SGCZ: variants seen among roughly 807,000 people sequenced by gnomAD.
SGCZ encodes sarcoglycan zeta.
In SGCZ, 40 loss-of-function variants were observed where a neutral mutation model predicts 41.3. The observed-to-expected ratio is 0.97, with a 90% confidence interval of 0.75 to 1.26. SGCZ has a LOEUF of 1.26. Among genes scored for constraint, SGCZ ranks in the 50% most tolerant of loss-of-function variants. SGCZ has a pLI of 0.00. For missense variants in SGCZ, 552 were observed against 369.8 expected (o/e 1.49, Z -4.04); for synonymous variants, 206 against 137.5 (o/e 1.50, Z -3.49).
At chr8:14,296,474 A>C (rs1357058473) in intron 3 of SGCZ, among the ~76,000 whole-genome samples, 3 of 152,224 alleles carry the variant, frequency 2.0e-5, no homozygotes, top group East Asian at 3.8e-4. Context: ...ATCATATTTT[A>C]CATTTGTTAG....
chr8:14,452,663 G>A (rs1800628742), intron 2 of SGCZ, among the ~76,000 whole-genome samples: 1 of 152,192 alleles, frequency 6.6e-6, no homozygotes, highest in Admixed American at 6.5e-5. Context: ...TACAACTCTG[G>A]TAAAGGGAGA....
chr8:14,596,629 G>A lies in SGCZ; in HGVS notation c.40-41703C>T, dbSNP rs531980984. On this transcript the variant is annotated intron_variant, in intron 1 of 7. Coordinates refer to ENST00000382080, the MANE Select transcript of SGCZ (RefSeq NM_139167.4). ...CAATTTCAAAAACACTGAATGATTA[G>A]TTTAGAATATCGTCCATGTGGGAGA... Among the ~76,000 whole-genome samples, 29 of 152,158 alleles carry A rather than the reference G, an allele frequency of 1.9e-4. No homozygotes were observed. The South Asian group carries it at 3.5e-3, about 19-fold the overall frequency.
intron 1 of SGCZ, among the ~76,000 whole-genome samples, chr8:15,066,185 G>A (rs1585528672): frequency 1.3e-5 from 2 of 151,866 alleles, no homozygotes; most frequent in African/African-American, 2.4e-5. Flanking sequence ...GCGGGCGCCT[G>A]TAGTCCCAGC....
chr8:14,655,170 T>C (rs1377946634), intron 1 of SGCZ, among the ~76,000 whole-genome samples: 1 of 152,104 alleles, frequency 6.6e-6, no homozygotes, highest in African/African-American at 2.4e-5. Context: ...GAAAACTACA[T>C]GATTTACATG....
chr8:15,140,423 T>A (rs762242186), intron 1 of SGCZ, among the ~76,000 whole-genome samples: 1 of 152,192 alleles, frequency 6.6e-6, no homozygotes, highest in African/African-American at 2.4e-5. Flanking sequence ...TATCTTTGGT[T>A]AAATTTCTTT....
At chr8:14,117,267 C>G (rs1350518587) in intron 5 of SGCZ, among the ~76,000 whole-genome samples, 1 of 151,926 alleles carries the variant, frequency 6.6e-6, no homozygotes, top group Non-Finnish European at 1.5e-5. Flanking sequence ...CAGATATGTG[C>G]TTTTACATTT....
chr8:14,406,895 T>G (rs1233891660), intron 2 of SGCZ, among the ~76,000 whole-genome samples: 1 of 152,146 alleles, frequency 6.6e-6, no homozygotes, highest in Non-Finnish European at 1.5e-5. Flanking sequence ...GAGCTGCTGC[T>G]GTATACTGCT....
chr8:14,750,273 G>A (rs1238265093), intron 1 of SGCZ, among the ~76,000 whole-genome samples: 2 of 151,932 alleles, frequency 1.3e-5, no homozygotes, highest in Non-Finnish European at 2.9e-5. Flanking sequence ...GATTTAACAA[G>A]TAGTTTTTAA....
intron 1 of SGCZ, among the ~76,000 whole-genome samples, chr8:14,684,429 A>C (rs1281764317): frequency 4.6e-5 from 7 of 152,144 alleles, no homozygotes; most frequent in African/African-American, 1.7e-4. Context: ...GAATTTCACT[A>C]ATATTTTTGG....
At chr8:14,761,294 C>G (rs1451180119) in intron 1 of SGCZ, among the ~76,000 whole-genome samples, 3 of 151,844 alleles carry the variant, frequency 2.0e-5, no homozygotes, top group Admixed American at 1.3e-4. Context: ...TTAAAATGTT[C>G]CCAGTTGATA....
At chr8:14,357,520 G>A (rs1248737510) in intron 2 of SGCZ, among the ~76,000 whole-genome samples, 1 of 152,060 alleles carries the variant, frequency 6.6e-6, no homozygotes, top group South Asian at 2.1e-4. Flanking sequence ...CTGTACCTTT[G>A]AATTGAATGA....
intron 1 of SGCZ, among the ~76,000 whole-genome samples, chr8:14,683,201 T>A (rs1293008507): frequency 6.6e-6 from 1 of 152,068 alleles, no homozygotes; most frequent in Non-Finnish European, 1.5e-5. Flanking sequence ...AATAGGGAAA[T>A]CTTCAGGCAA....
intron 4 of SGCZ, among the ~76,000 whole-genome samples, chr8:14,217,463 TG>T (rs757186068): frequency 3.9e-4 from 59 of 152,050 alleles, no homozygotes; most frequent in Admixed American, 3.3e-3. Context: ...TTGTAAGACG[TG>T]GGGTGAAAGG....
rs140186701 is a variant in SGCZ, at chr8:14,861,095, G to A, written c.40-306169C>T. 2.8e-3 allele frequency among the ~76,000 whole-genome samples: 423 copies of A among 152,254 alleles called. 2 individuals carry two copies. Among genetic ancestry groups the A allele is most frequent in the African/African-American group, 9.7e-3 (403 of 41,550 alleles). On this transcript the variant is annotated intron_variant, in intron 1 of 7. Coordinates refer to ENST00000382080, the MANE Select transcript of SGCZ (RefSeq NM_139167.4). The stretch of plus-strand genomic sequence containing the variant: ...GTTGAGAAACACTTGATGTAGATGC[G>A]TACGAGGTGAATGTGTTACGTCTGT...
chr8:15,173,389 T>A (rs1799906216), intron 1 of SGCZ, among the ~76,000 whole-genome samples: 1 of 152,190 alleles, frequency 6.6e-6, no homozygotes, highest in Non-Finnish European at 1.5e-5. Context: ...TAAAAATGGA[T>A]GATGATAGCA....
At chr8:15,102,449 T>C (rs1383725103) in intron 1 of SGCZ, among the ~76,000 whole-genome samples, 1 of 152,136 alleles carries the variant, frequency 6.6e-6, no homozygotes, top group African/African-American at 2.4e-5. Context: ...AATGAATAAA[T>C]GACATTATGC....
intron 1 of SGCZ, among the ~76,000 whole-genome samples, chr8:14,755,225 G>T (rs900763152): frequency 3.3e-5 from 5 of 151,598 alleles, no homozygotes; most frequent in Non-Finnish European, 5.9e-5. Context: ...ATTCTTGTTT[G>T]ATTTTTTTAA....
intron 2 of SGCZ, among the ~76,000 whole-genome samples, chr8:14,493,775 A>T: frequency 6.6e-6 from 1 of 152,126 alleles, no homozygotes; most frequent in East Asian, 1.9e-4. Context: ...AAAGGCTTTC[A>T]TAAGAGTGGC....
At chr8:14,878,645 A>T (rs62493332) in intron 1 of SGCZ, among the ~76,000 whole-genome samples, 2,368 of 152,318 alleles carry the variant, frequency 0.016, 32 homozygotes, top group Non-Finnish European at 0.021. Context: ...TGACTTTCAG[A>T]AAAGCTATGT....
Sources: gnomAD v4.1 joint callset for allele counts (sites outside exome capture counted in the v4.1 genomes callset) on GRCh38, gnomAD v4.1.1 for gene constraint, MANE v1.5 for transcripts, NCBI Gene and HGNC (gene_info 2026-07-23, HGNC 2026-07-21) for gene names.